Variants in DMAC2 observed in about 807,000 individuals in gnomAD.
The protein encoded by DMAC2 is distal membrane arm assembly component 2, also known as distal membrane-arm assembly complex protein 2.
A neutral mutation model predicts 29.6 loss-of-function variants in DMAC2; 32 were observed. The ratio of observed to expected loss-of-function variants is 1.08; its 90% CI spans 0.81 to 1.45. The LOEUF (loss-of-function observed/expected upper bound fraction) is 1.45. Among genes scored for constraint, DMAC2 ranks in the 40% most tolerant of loss-of-function variants. The pLI is 0.00. For missense variants in DMAC2, 319 were observed against 340.0 expected, an observed-to-expected ratio of 0.94 and a Z score of 0.49; for synonymous variants, 133 against 137.4, an observed-to-expected ratio of 0.97 and a Z score of 0.23.
chr19:41,436,623 GC>G, intron 2 of DMAC2, 151 bp from the exon 3 acceptor site: 2 of 671,120 alleles, frequency 3.0e-6, no homozygotes, highest in Non-Finnish European at 5.1e-6. Context: ...CCTCCTAAGT[GC>G]TGGGCACTGG....
At chr19:41,433,960 G>A (rs1555770438) in intron 3 of DMAC2, among the ~76,000 whole-genome samples, 4 of 152,088 alleles carry the variant, frequency 2.6e-5, no homozygotes, top group Non-Finnish European at 5.9e-5. Flanking sequence ...TTGGCCAGGT[G>A]CGGTGGCTCA....
chr19:41,439,660 C>T, intron 1 of DMAC2: 1 of 1,350,360 alleles, frequency 7.4e-7, no homozygotes, highest in African/African-American at 1.4e-5. Flanking sequence ...TCAGCCAAGT[C>T]CCTGCCTCCT....
intron 5 of DMAC2, 45 bp from the exon 6 acceptor site, chr19:41,432,453 T>C: frequency 2.7e-6 from 4 of 1,479,760 alleles, no homozygotes; most frequent in Non-Finnish European, 3.7e-6. Flanking sequence ...AAGGACAGCA[T>C]GTGTGTGTGT....
chr19:41,438,507 C>T (rs1555771963), intron 1 of DMAC2, 93 bp from the exon 2 acceptor site: 2 of 1,063,014 alleles, frequency 1.9e-6, no homozygotes, highest in East Asian at 2.6e-5. Context: ...ACCTCAATCC[C>T]TCTGCTTCCC....
intron 5 of DMAC2, chr19:41,432,780 G>A (rs979382357): frequency 3.0e-5 from 8 of 270,618 alleles, no homozygotes; most frequent in South Asian, 8.0e-5. Flanking sequence ...ACAGGACAGC[G>A]TGCGTGTGTG....
intron 3 of DMAC2, 37 bp from the exon 4 acceptor site, chr19:41,433,710 A>T (rs372920057): frequency 8.4e-5 from 136 of 1,613,352 alleles, no homozygotes; most frequent in Non-Finnish European, 1.1e-4. Flanking sequence ...AGGGCACCTG[A>T]ACCTGCCCCA....
At position 41,432,653 on chromosome 19, in the gene DMAC2, C is replaced by CGTGTGTGTGTGTGTGT. The variant is rs782279895; in HGVS notation, c.597-261_597-246dup. On this transcript the variant is annotated intron_variant, in intron 5 of 5. Coordinates refer to ENST00000221943, the MANE Select transcript of DMAC2 (RefSeq NM_018035.3). The stretch of plus-strand genomic sequence containing the variant: ...GTGTGTGTAGGGAGGTACAGGACAG[C>CGTGTGTGTGTGTGTGT]GTGTGTGTGTGTGTGTGTGTGTGTA... 1.5e-3 allele frequency: 342 copies of CGTGTGTGTGTGTGTGT among 220,732 alleles called. 21 individuals are homozygous for CGTGTGTGTGTGTGTGT. In the African/African-American group the frequency reaches 0.016, roughly 10 times the overall value. The allele number at this position is 220,732 out of a possible 1,614,324, so 13.7% of individuals were successfully genotyped here.
chr19:41,432,562 T>C lies in DMAC2; in HGVS notation c.597-154A>G, dbSNP rs571421539. 524 of 605,758 alleles carry C rather than the reference T, an allele frequency of 8.7e-4. 2 individuals are homozygous for C. The highest frequency in any genetic ancestry group is 1.3e-3 in the Non-Finnish European group (484 of 358,598). The allele number at this position is 605,758 out of a possible 1,614,324, so 37.5% of individuals were successfully genotyped here. A position where few individuals can be genotyped will look rare whatever the true frequency, so the allele number is the denominator to read the frequency against. On this transcript the variant is annotated intron_variant, in intron 5 of 5. Transcript: ENST00000221943. Reference sequence around the variant, plus strand: ...GTGTGTATAGGGAGGTACAGGACAGTGTGTGCGTGTGTGTGTGTGTGTGTG... The same window carrying C: ...GTGTGTATAGGGAGGTACAGGACAGCGTGTGCGTGTGTGTGTGTGTGTGTG...
intron 1 of DMAC2, 122 bp from the exon 2 acceptor site, chr19:41,438,536 C>T: frequency 2.4e-6 from 2 of 838,308 alleles, no homozygotes; most frequent in African/African-American, 3.4e-5. Context: ...CTAAGTTCTT[C>T]CTTCAAAACT....
intron 2 of DMAC2, among the ~76,000 whole-genome samples, 191 bp from the exon 3 acceptor site, chr19:41,436,663 AT>A (rs1410230542): frequency 6.6e-6 from 1 of 152,208 alleles, no homozygotes; most frequent in East Asian, 1.9e-4. Context: ...GGCAGATAAC[AT>A]CCCTGCCCAG....
At chr19:41,439,533 C>G (rs1555772384) in intron 1 of DMAC2, 3 of 1,536,818 alleles carry the variant, frequency 2.0e-6, no homozygotes, top group Admixed American at 2.0e-5. Flanking sequence ...CTTCCAAGCT[C>G]TCTTATCCTA....
intron 1 of DMAC2, chr19:41,439,109 A>AGTGT: frequency 4.4e-6 from 1 of 225,580 alleles, no homozygotes; most frequent in Non-Finnish European, 8.8e-6. Context: ...AGAGGAGAGT[A>AGTGT]AGAAAGTCGA....
chr19:41,439,629 C>G, intron 1 of DMAC2: 2 of 1,452,264 alleles, frequency 1.4e-6, no homozygotes, highest in Non-Finnish European at 1.9e-6. Context: ...GCAGCCACTC[C>G]CTCATCCCCA....
At chr19:41,435,308 C>T (rs781947162) in intron 3 of DMAC2, among the ~76,000 whole-genome samples, 4 of 152,072 alleles carry the variant, frequency 2.6e-5, no homozygotes, top group Non-Finnish European at 5.9e-5. Context: ...CTTGCTCTGT[C>T]ACCCAGGCTG....
intron 5 of DMAC2, chr19:41,433,024 C>T: frequency 1.9e-6 from 1 of 538,334 alleles, no homozygotes; most frequent in South Asian, 2.8e-5. Flanking sequence ...ACTCCAGCTC[C>T]TGCTGTTCTG....
intron 1 of DMAC2, 75 bp downstream of exon 1, chr19:41,439,807 G>A (rs2040061010): frequency 6.2e-7 from 1 of 1,603,156 alleles, no homozygotes; most frequent in Non-Finnish European, 8.5e-7. Flanking sequence ...TCTCGTGGCC[G>A]CCAACAGAGG....
chr19:41,438,290 T>C lies in DMAC2; in HGVS notation c.143A>G (p.Tyr48Cys), dbSNP rs375131355. ...CCTCAGAGCCTCCACATCGTAGAAA[T>C]AGTTGGTCAGGAACTGGAGTATTGT... Reference protein sequence around the residue: ...KRTILQFLTNYFYDVEALRDY... With the variant: ...KRTILQFLTNCFYDVEALRDY... The change falls in exon 2 of 6, where the codon TAT becomes TGT. Residue 48 changes from tyrosine to cysteine, a missense_variant. By Grantham distance (194) the Tyr-to-Cys change is radical. Coordinates refer to ENST00000221943, the MANE Select transcript of DMAC2 (RefSeq NM_018035.3). 31 of 1,614,124 alleles carry C rather than the reference T, an allele frequency of 1.9e-5. 1 individual carries two copies. Among genetic ancestry groups the C allele is most frequent in the Non-Finnish European group, 2.5e-5 (29 of 1,180,044 alleles).
chr19:41,436,875 G>A (rs2039890512), intron 2 of DMAC2, among the ~76,000 whole-genome samples: 1 of 152,152 alleles, frequency 6.6e-6, no homozygotes, highest in South Asian at 2.1e-4. Flanking sequence ...TGACATTTGA[G>A]CAGGGATTTG....
At chr19:41,439,638 C>A in intron 1 of DMAC2, 1 of 1,419,970 alleles carries the variant, frequency 7.0e-7, no homozygotes, top group South Asian at 1.3e-5. Context: ...CCCTCATCCC[C>A]ATTGGATACT....
Sources: gnomAD v4.1 joint callset for allele counts (sites outside exome capture counted in the v4.1 genomes callset) on GRCh38, gnomAD v4.1.1 for gene constraint, MANE v1.5 for transcripts, NCBI Gene and HGNC (gene_info 2026-07-23, HGNC 2026-07-21) for gene names.